The following CTNNA2 variants were observed in gnomAD, a reference collection of about 807,000 sequenced individuals.
CTNNA2 encodes the protein catenin alpha 2.
In CTNNA2, 42 loss-of-function variants were observed where a neutral mutation model predicts 101.0. The observed-to-expected ratio is 0.42, with a 90% CI of 0.32 to 0.54. The LOEUF (loss-of-function observed/expected upper bound fraction) is 0.54, where lower values mean the gene tolerates loss of function less well. CTNNA2 is among the 20% of genes least tolerant of loss of function. The pLI, the probability that CTNNA2 is intolerant of heterozygous loss-of-function variation, is 0.14. For synonymous variants in CTNNA2, 450 were observed against 456.4 expected (o/e 0.99, Z 0.18); for missense variants, 871 against 1,223.1 (o/e 0.71, Z 4.29).
intron 7 of CTNNA2, among the ~76,000 whole-genome samples, chr2:79,961,362 C>T (rs746051663): frequency 3.9e-5 from 6 of 152,132 alleles, no homozygotes; most frequent in Non-Finnish European, 7.3e-5. Context: ...CTCTATCACC[C>T]AGTGCTTGAG....
At chr2:79,571,759 C>T (rs1355037991) in intron 1 of CTNNA2, among the ~76,000 whole-genome samples, 1 of 152,160 alleles carries the variant, frequency 6.6e-6, no homozygotes, top group Non-Finnish European at 1.5e-5. Context: ...TCAGCTTCCT[C>T]AGCCATTTAC....
At chr2:80,426,471 T>C (rs928520169) in intron 9 of CTNNA2, among the ~76,000 whole-genome samples, 2 of 152,160 alleles carry the variant, frequency 1.3e-5, no homozygotes, top group Admixed American at 6.5e-5. Context: ...CACACCTGAG[T>C]GCAAGCCACA....
chr2:79,250,488 T>G (rs958286746), intron 2 of CTNNA2, among the ~76,000 whole-genome samples: 2 of 152,040 alleles, frequency 1.3e-5, no homozygotes, highest in Admixed American at 1.3e-4. Context: ...ATATTTTAAG[T>G]TTTTATGCAG....
At chr2:79,398,210 C>T (rs1274136529) in intron 4 of CTNNA2, among the ~76,000 whole-genome samples, 1 of 152,096 alleles carries the variant, frequency 6.6e-6, no homozygotes, top group Non-Finnish European at 1.5e-5. Context: ...AATAAGCAGG[C>T]CTGTAACTAA....
intron 7 of CTNNA2, among the ~76,000 whole-genome samples, chr2:80,017,633 A>G (rs1694250323): frequency 1.3e-5 from 2 of 152,206 alleles, no homozygotes; most frequent in South Asian, 4.2e-4. Context: ...GTTGGGATTT[A>G]TAAGTCTTCC....
intron 1 of CTNNA2, among the ~76,000 whole-genome samples, chr2:79,592,409 G>C (rs1352511570): frequency 1.3e-5 from 2 of 152,096 alleles, no homozygotes; most frequent in Non-Finnish European, 2.9e-5. Context: ...TGGAACTACA[G>C]GCATGAGCCA....
At chr2:80,583,635 C>CAA (rs1267775498) in intron 14 of CTNNA2, among the ~76,000 whole-genome samples, 4 of 152,128 alleles carry the variant, frequency 2.6e-5, no homozygotes, top group Admixed American at 1.3e-4. Context: ...AAGACAAAGA[C>CAA]AGGTTGTACA....
intron 7 of CTNNA2, among the ~76,000 whole-genome samples, chr2:80,213,422 C>G (rs1290675698): frequency 6.6e-6 from 1 of 152,062 alleles, no homozygotes; most frequent in East Asian, 1.9e-4. Context: ...TGTCTTTGTT[C>G]TTATTGGTTT....
intron 1 of CTNNA2, among the ~76,000 whole-genome samples, chr2:79,645,924 A>G (rs900485368): frequency 6.6e-6 from 1 of 152,212 alleles, no homozygotes; most frequent in African/African-American, 2.4e-5. Flanking sequence ...CTGAATTTGT[A>G]TCAACTAAAG....
chr2:80,013,839 G>A (rs1425408255), intron 7 of CTNNA2, among the ~76,000 whole-genome samples: 1 of 152,176 alleles, frequency 6.6e-6, no homozygotes, highest in Admixed American at 6.5e-5. Flanking sequence ...CCTGAGGATT[G>A]CCTCTAGAAA....
At chr2:79,338,232 C>T (rs1050362594) in intron 3 of CTNNA2, among the ~76,000 whole-genome samples, 10 of 85,358 alleles carry the variant, frequency 1.2e-4, no homozygotes, top group Non-Finnish European at 1.8e-4. Context: ...GGTGACAGAA[C>T]CAGACTCCAT....
In CTNNA2 at chr2:79,997,216, T is replaced by G. The variant is rs189680688; in HGVS notation, c.1056+87419T>G. The stretch of plus-strand genomic sequence containing the variant: ...AGAAAGCTGAAAAATCAATCCTAGT[T>G]GTTTTTCTAGCTGCACTATTTAGTA... On this transcript the variant is annotated intron_variant, in intron 7 of 18. Coordinates refer to ENST00000402739, the MANE Select transcript of CTNNA2 (RefSeq NM_001282597.3). Among the ~76,000 whole-genome samples the G allele has an allele frequency of 3.6e-4, 55 of 152,202 alleles. 1 individual carries two copies. The highest frequency in any genetic ancestry group is 3.1e-3 in the Admixed American group (48 of 15,282).
At chr2:79,859,056 C>A (rs972930648) in intron 4 of CTNNA2, among the ~76,000 whole-genome samples, 3 of 151,844 alleles carry the variant, frequency 2.0e-5, no homozygotes, top group Non-Finnish European at 4.4e-5. Flanking sequence ...AATCCCTACT[C>A]CATACCCTCA....
intron 4 of CTNNA2, among the ~76,000 whole-genome samples, chr2:79,430,511 C>T (rs545369456): frequency 6.6e-6 from 1 of 152,218 alleles, no homozygotes; most frequent in African/African-American, 2.4e-5. Flanking sequence ...CAAAAAATTA[C>T]ACACCAACCA....
At chr2:79,543,433 T>A (rs1393841753) in intron 1 of CTNNA2, among the ~76,000 whole-genome samples, 1 of 152,184 alleles carries the variant, frequency 6.6e-6, no homozygotes, top group African/African-American at 2.4e-5. Context: ...TTACCTTAAT[T>A]CAAATATTTC....
chr2:80,563,358 A>G (rs1253832418), intron 12 of CTNNA2, among the ~76,000 whole-genome samples: 1 of 152,224 alleles, frequency 6.6e-6, no homozygotes, highest in Non-Finnish European at 1.5e-5. Flanking sequence ...GAGGAAGAAT[A>G]TGCTAACAGC....
At chr2:79,568,620 AAAAGG>A (rs1253696527) in intron 1 of CTNNA2, among the ~76,000 whole-genome samples, 7 of 152,082 alleles carry the variant, frequency 4.6e-5, no homozygotes, top group African/African-American at 1.7e-4. Flanking sequence ...TAACGAAAAG[AAAAGG>A]AAAGAAAAGA....
At chr2:80,244,753 C>A (rs771129488) in intron 7 of CTNNA2, among the ~76,000 whole-genome samples, 1 of 152,144 alleles carries the variant, frequency 6.6e-6, no homozygotes, top group Admixed American at 6.6e-5. Flanking sequence ...CAGGCAGTAT[C>A]TTAGGGTCAT....
intron 4 of CTNNA2, among the ~76,000 whole-genome samples, chr2:79,414,713 A>G (rs1558661675): frequency 1.3e-5 from 2 of 152,038 alleles, no homozygotes; most frequent in East Asian, 3.9e-4. Context: ...TTGAACCCCT[A>G]TAATACCAGA....
Sources: gnomAD v4.1 joint callset for allele counts (sites outside exome capture counted in the v4.1 genomes callset) on GRCh38, gnomAD v4.1.1 for gene constraint, MANE v1.5 for transcripts, NCBI Gene and HGNC (gene_info 2026-07-23, HGNC 2026-07-21) for gene names.